The following ITGB2 variants were observed in gnomAD, a reference collection of about 807,000 sequenced individuals.
The protein encoded by ITGB2 is integrin subunit beta 2, also known as integrin beta-2.
Under a neutral mutation model 86.8 loss-of-function variants are expected in ITGB2, and 56 were observed. That is an observed-to-expected ratio of 0.65 (90% CI 0.52 to 0.81). The LOEUF is 0.81. Ranked by LOEUF, ITGB2 falls within the 30% of genes least tolerant of loss-of-function variation. The probability of loss-of-function intolerance (pLI) is 0.00; values close to 1 mark genes in which losing one functional copy is unlikely to be tolerated. For synonymous variants in ITGB2, 457 were observed against 450.4 expected (o/e 1.01, Z -0.19); for missense variants, 948 against 1,061.2 (o/e 0.89, Z 1.48).
Position 44,907,008 on chromosome 21 carries a change from T to C in ITGB2, c.235A>G (p.Met79Val), listed in dbSNP as rs932194440. 1.8e-5 allele frequency: 29 copies of C among 1,613,996 alleles called. No individual in the cohort carries two copies. The highest frequency in any genetic ancestry group is 2.5e-5 in the Non-Finnish European group (29 of 1,180,004). Residue 79 changes from methionine to valine, a missense_variant, in exon 4 of 16, where the codon ATG becomes GTG. Met to Val is a conservative substitution (Grantham distance 21). Transcript: ENST00000652462. ...GTTTCAGCGAGGCTTGTGGGGTCCA[T>C]GATGTCGTCAGCCGCACAGCCCCTC... ...LMRGCAADDI[M>V]DPTSLAETQE...
chr21:44,901,127 C>T (rs1383614506), intron 6 of ITGB2, among the ~76,000 whole-genome samples: 1 of 152,200 alleles, frequency 6.6e-6, no homozygotes, highest in Non-Finnish European at 1.5e-5. Flanking sequence ...CAGCGCCCAC[C>T]CGGCCTGGAG....
intron 14 of ITGB2, among the ~76,000 whole-genome samples, 177 bp downstream of exon 14, chr21:44,888,516 G>A (rs1257397240): frequency 6.6e-6 from 1 of 152,212 alleles, no homozygotes; most frequent in East Asian, 1.9e-4. Flanking sequence ...GCTGCTGGGG[G>A]TGAGGGGACC....
At chr21:44,925,257 T>C (rs893068166), upstream of ITGB2, among the ~76,000 whole-genome samples, 3 of 152,086 alleles carry the variant, frequency 2.0e-5, no homozygotes, top group Non-Finnish European at 4.4e-5. Flanking sequence ...CCGTAAATTT[T>C]CTTTTTGTTG....
chr21:44,919,937 A>G (rs995496082), intron 1 of ITGB2, among the ~76,000 whole-genome samples: 1 of 152,100 alleles, frequency 6.6e-6, no homozygotes, highest in African/African-American at 2.4e-5. Context: ...TGGGCCTGGG[A>G]CCCAGGGGCG....
Position 44,899,151 on chromosome 21 carries a change from C to T in ITGB2, c.909G>A (p.Ser303=), listed in dbSNP as rs753280740. The change falls in exon 8 of 16, where the codon TCG becomes TCA. Residue 303 remains serine, a synonymous_variant. Transcript: ENST00000652462. ...YKRSNEFDYP[S]VGQLAHKLAE... ...CCAGCTTGTGCGCCAGCTGGCCCAC[C>T]GATGGGTAGTCCTGGAGAGAGGAGG... is the stretch of plus-strand genomic sequence containing the variant. The T allele has an allele frequency of 2.4e-5, 38 of 1,613,672 alleles. No homozygotes were observed. The highest frequency in any genetic ancestry group is 6.7e-5 in the Admixed American group (4 of 60,000).
At chr21:44,900,185 G>T in intron 7 of ITGB2, 135 bp downstream of exon 7, 2 of 1,218,868 alleles carry the variant, frequency 1.6e-6, no homozygotes, top group South Asian at 2.6e-5. Flanking sequence ...CTGCCACTTG[G>T]GGCTTCCAGA....
chr21:44,894,871 C>G, intron 9 of ITGB2, 100 bp downstream of exon 9: 1 of 893,938 alleles, frequency 1.1e-6, no homozygotes, highest in Non-Finnish European at 1.9e-6. Flanking sequence ...GGGCTTTCCT[C>G]CCAGACCACC....
At chr21:44,886,703 C>T (rs1396439962) in intron 15 of ITGB2, 33 bp downstream of exon 15, 1 of 1,613,796 alleles carries the variant, frequency 6.2e-7, no homozygotes, top group Non-Finnish European at 8.5e-7. Flanking sequence ...GCACGTGCCC[C>T]TCTGCGTGGG....
chr21:44,903,158 A>G (rs1194282723), intron 5 of ITGB2, among the ~76,000 whole-genome samples: 2 of 152,226 alleles, frequency 1.3e-5, no homozygotes, highest in African/African-American at 4.8e-5. Context: ...GACAATGTCT[A>G]CAAGTGTTGG....
intron 5 of ITGB2, 118 bp downstream of exon 5, chr21:44,903,247 T>G: frequency 7.7e-7 from 1 of 1,293,472 alleles, no homozygotes; most frequent in Non-Finnish European, 1.1e-6. Flanking sequence ...GGGACCTGCA[T>G]CTGGGGCCCC....
chr21:44,911,898 G>A (rs960937905), intron 1 of ITGB2, among the ~76,000 whole-genome samples: 3 of 152,142 alleles, frequency 2.0e-5, no homozygotes, highest in South Asian at 2.1e-4. Context: ...GCTCCTTGGG[G>A]GGTCTTAGGG....
intron 1 of ITGB2, among the ~76,000 whole-genome samples, chr21:44,916,217 G>A (rs560294327): frequency 2.0e-5 from 3 of 152,180 alleles, no homozygotes; most frequent in South Asian, 2.1e-4. Flanking sequence ...CACTGCGCCC[G>A]GCCTGATAGC....
rs1242255728 is a variant in ITGB2, at chr21:44,903,554, C to T, written c.329-19G>A. The stretch of plus-strand genomic sequence containing the variant: ...GCCTGGCCTGCCGGTGGGGACAGAA[C>T]AAAAGGAGCCACACCTCACATCTCA... On this transcript the variant is annotated intron_variant, in intron 4 of 15. Transcript: ENST00000652462. The T allele has an allele frequency of 6.2e-7, 1 of 1,613,426 alleles. No homozygotes were observed. The highest frequency in any genetic ancestry group is 8.5e-7 in the Non-Finnish European group (1 of 1,179,814).
chr21:44,897,772 A>G (rs2083890960), intron 8 of ITGB2, among the ~76,000 whole-genome samples: 1 of 152,192 alleles, frequency 6.6e-6, no homozygotes, highest in African/African-American at 2.4e-5. Flanking sequence ...AGAACGGGGC[A>G]CGTGGCTGTG....
chr21:44,898,466 G>A (rs897805166), intron 8 of ITGB2, among the ~76,000 whole-genome samples: 2 of 152,238 alleles, frequency 1.3e-5, no homozygotes, highest in Non-Finnish European at 2.9e-5. Flanking sequence ...AGCTCTGCAA[G>A]TCCTTCCGGC....
intron 8 of ITGB2, among the ~76,000 whole-genome samples, chr21:44,895,335 G>T (rs2083849895): frequency 1.3e-5 from 2 of 152,178 alleles, no homozygotes; most frequent in Admixed American, 6.5e-5. Context: ...TTCAGGACCA[G>T]CCTGGGCAAC....
intron 3 of ITGB2, among the ~76,000 whole-genome samples, chr21:44,907,760 G>A (rs926113875): frequency 6.6e-6 from 1 of 152,196 alleles, no homozygotes; most frequent in Non-Finnish European, 1.5e-5. Context: ...TTTCGTAGAG[G>A]GAAGCTCAGG....
Position 44,903,562 on chromosome 21 carries a change from G to T in ITGB2, c.329-27C>A, listed in dbSNP as rs370936487. On this transcript the variant is annotated intron_variant, in intron 4 of 15. Coordinates refer to ENST00000652462, the MANE Select transcript of ITGB2 (RefSeq NM_000211.5). ...TGCCGGTGGGGACAGAACAAAAGGA[G>T]CCACACCTCACATCTCACACAGGGT... is the stretch of plus-strand genomic sequence containing the variant. 10 of 1,613,310 alleles carry T rather than the reference G, an allele frequency of 6.2e-6. No homozygotes were observed. In the African/African-American group the frequency reaches 1.3e-4, roughly 22 times the overall value.
At chr21:44,902,613 A>G (rs773436036) in intron 5 of ITGB2, among the ~76,000 whole-genome samples, 1 of 150,894 alleles carries the variant, frequency 6.6e-6, no homozygotes, top group East Asian at 1.9e-4. Flanking sequence ...GTGTGTGAGC[A>G]TCCATTTGTG....
Sources: allele counts gnomAD v4.1 joint callset (sites outside exome capture counted in the v4.1 genomes callset), GRCh38; gene constraint gnomAD v4.1.1; transcripts MANE v1.5; gene names NCBI Gene and HGNC (gene_info 2026-07-23, HGNC 2026-07-21).